The following MAP9 variants were observed in gnomAD, a reference collection of about 807,000 sequenced individuals.
MAP9 encodes the protein microtubule associated protein 9, also known as microtubule-associated protein 9.
Under a neutral mutation model 75.2 loss-of-function variants are expected in MAP9, and 80 were observed. The observed-to-expected ratio is 1.06, with a 90% CI of 0.89 to 1.28. MAP9 has a LOEUF of 1.28. Ranked by LOEUF, MAP9 falls within the 50% of genes most tolerant of loss-of-function variation. The pLI, the probability that MAP9 is intolerant of heterozygous loss-of-function variation, is 0.00. For synonymous variants in MAP9, 235 were observed against 237.3 expected (o/e 0.99, Z 0.09); for missense variants, 753 against 719.9 (o/e 1.05, Z -0.53).
intron 4 of MAP9, among the ~76,000 whole-genome samples, chr4:155,370,722 G>A (rs1297644469): frequency 1.3e-5 from 2 of 152,216 alleles, no homozygotes; most frequent in African/African-American, 2.4e-5. Context: ...AGACAGTACT[G>A]TTAACTATAG....
At chr4:155,355,593 C>A (rs111396517) in intron 9 of MAP9, 123 bp downstream of exon 9, 4 of 589,876 alleles carry the variant, frequency 6.8e-6, no homozygotes, top group African/African-American at 5.8e-5. Flanking sequence ...AAAGGAAACT[C>A]TTTCTCAATA....
At chr4:155,351,325 T>TG (rs1731499494) in intron 13 of MAP9, 1 of 151,712 alleles carries the variant, frequency 6.6e-6, no homozygotes, top group African/African-American at 2.4e-5. Context: ...TCAGGGCAAA[T>TG]TCCAAGCAGA....
chr4:155,350,199 A>C (rs1349707238), intron 13 of MAP9: 1 of 439,404 alleles, frequency 2.3e-6, no homozygotes, highest in East Asian at 7.1e-5. Flanking sequence ...TGAAAACTGA[A>C]GTCATTAGAC....
rs970029941 is a variant in MAP9, at chr4:155,343,173, C to T, written c.*4610G>A. The T allele has an allele frequency of 2.1e-5, 3 of 140,290 alleles. No individual in the cohort carries two copies. Among genetic ancestry groups the T allele is most frequent in the African/African-American group, 8.4e-5 (3 of 35,886 alleles). 8.7% of individuals were successfully genotyped at this position (140,290 alleles called of 1,614,324 possible). A position where few individuals can be genotyped will look rare whatever the true frequency, so the allele number is the denominator to read the frequency against. ...ATATGTGTATGTTTGAAAATATGCA[C>T]ATTAGTATTTGTATTTTATATATAT... On this transcript the variant is annotated 3_prime_UTR_variant, in exon 14 of 14. Transcript: ENST00000311277.
At chr4:155,354,711 T>A (rs193068260) in intron 10 of MAP9, among the ~76,000 whole-genome samples, 97 of 152,222 alleles carry the variant, frequency 6.4e-4, no homozygotes, top group African/African-American at 2.3e-3. Flanking sequence ...GAATCCCATC[T>A]GCCTTGGCCT....
At chr4:155,357,618 T>G (rs1389245153) in intron 7 of MAP9, 99 bp from the exon 8 acceptor site, 2 of 706,022 alleles carry the variant, frequency 2.8e-6, no homozygotes, top group East Asian at 5.4e-5. Flanking sequence ...TTTAAGCATC[T>G]ACTATGTGTC....
chr4:155,362,234 G>A (rs1486919414), intron 5 of MAP9, 93 bp from the exon 6 acceptor site: 6 of 780,242 alleles, frequency 7.7e-6, no homozygotes, highest in East Asian at 2.7e-5. Context: ...AATTGAAATA[G>A]TGCATAACTC....
At position 155,368,789 on chromosome 4, in the gene MAP9, C is replaced by G. The variant is rs758343315; in HGVS notation, c.505G>C (p.Asp169His). 1.1e-5 allele frequency: 18 copies of G among 1,612,358 alleles called. No homozygotes were observed. The highest frequency in any genetic ancestry group is 1.7e-4 in the Middle Eastern group (1 of 6,056). Residue 169 changes from aspartate (D) to histidine (H), a missense_variant, in exon 5 of 14, where the codon GAT becomes CAT. Physicochemically the swap from Asp to His is moderately conservative, Grantham distance 81. Transcript: ENST00000311277. ...CGAGGTGATGGTTTAAAGTGATCAT[C>G]TGTGTCAAGGCTGTTGTTTTCTGCT... Reference protein sequence around the residue: ...SSAENNSLDTDDHFKPSPRPR... With the variant: ...SSAENNSLDTHDHFKPSPRPR...
chr4:155,372,779 T>C (rs1455438541), intron 4 of MAP9, among the ~76,000 whole-genome samples: 1 of 152,160 alleles, frequency 6.6e-6, no homozygotes, highest in Non-Finnish European at 1.5e-5. Flanking sequence ...TTAGACAGCA[T>C]TCCATTCCAG....
intron 4 of MAP9, among the ~76,000 whole-genome samples, chr4:155,370,488 C>G (rs1381519690): frequency 6.6e-6 from 1 of 152,004 alleles, no homozygotes; most frequent in African/African-American, 2.4e-5. Context: ...ACACATACCA[C>G]AATCCCTCCA....
intron 13 of MAP9, among the ~76,000 whole-genome samples, chr4:155,348,989 A>AAAC (rs34688973): frequency 0.61 from 92,748 of 151,730 alleles, 29,072 homozygotes; most frequent in East Asian, 0.79. Flanking sequence ...GGACAGAAAC[A>AAAC]AAGAAAATAA....
chr4:155,374,060 G>A (rs1172058080), intron 3 of MAP9, among the ~76,000 whole-genome samples: 1 of 152,110 alleles, frequency 6.6e-6, no homozygotes, highest in Non-Finnish European at 1.5e-5. Context: ...AAAACACCAG[G>A]CCGGGTGCGG....
At chr4:155,355,597 C>A in intron 9 of MAP9, 119 bp downstream of exon 9, 1 of 732,088 alleles carries the variant, frequency 1.4e-6, no homozygotes, top group South Asian at 3.8e-5. Context: ...GAAACTCTTT[C>A]TCAATAAATT....
rs918391689 is a variant in MAP9, at chr4:155,344,952, G to A, written c.*2831C>T. 11 of 151,654 alleles carry A rather than the reference G, an allele frequency of 7.3e-5. No individual in the cohort carries two copies. Among genetic ancestry groups the A allele is most frequent in the Admixed American group, 2.6e-4 (4 of 15,192 alleles). The allele number at this position is 151,654 out of a possible 1,614,324, so 9.4% of individuals were successfully genotyped here. A position where few individuals can be genotyped will look rare whatever the true frequency, so the allele number is the denominator to read the frequency against. ...AGTGATCAACGCAATTTATAAAACC[G>A]GAACTTTTATATGAAAGTCTATATA... On this transcript the variant is annotated 3_prime_UTR_variant, in exon 14 of 14. Transcript: ENST00000311277.
Position 155,373,300 on chromosome 4 carries a change from G to C in MAP9, c.317C>G (p.Pro106Arg). Residue 106 changes from proline (P) to arginine (R), a missense_variant, in exon 4 of 14, where the codon CCA becomes CGA. Physicochemically the swap from Pro to Arg is moderately radical, Grantham distance 103 (BLOSUM62 -2). Coordinates refer to ENST00000311277, the MANE Select transcript of MAP9 (RefSeq NM_001039580.2). ...CTCTTCATTTTTGATGGCACACACT[G>C]GCTCATCTTTGGTTATGTTACCGTT... Reference protein sequence around the residue: ...KSNGNITKDEPVCAIKNEEEM... With the variant: ...KSNGNITKDERVCAIKNEEEM... 6.2e-7 allele frequency: 1 copy of C among 1,613,738 alleles called. No homozygotes were observed. The highest frequency in any genetic ancestry group is 1.3e-5 in the African/African-American group (1 of 74,994).
At chr4:155,365,941 T>C (rs913129472) in intron 5 of MAP9, among the ~76,000 whole-genome samples, 17 of 151,780 alleles carry the variant, frequency 1.1e-4, no homozygotes, top group African/African-American at 4.1e-4. Context: ...CATCAAAAAA[T>C]CGGGGCCACT....
chr4:155,350,131 C>G (rs144752328), intron 13 of MAP9: 47 of 322,312 alleles, frequency 1.5e-4, no homozygotes, highest in African/African-American at 9.6e-4. Flanking sequence ...CAATTACCCA[C>G]CAAATGCTTA....
At chr4:155,374,288 G>A (rs1328462747) in intron 3 of MAP9, among the ~76,000 whole-genome samples, 1 of 152,220 alleles carries the variant, frequency 6.6e-6, no homozygotes, top group East Asian at 1.9e-4. Context: ...GCAGTGAGCC[G>A]AGATTGCACC....
At chr4:155,351,103 C>A (rs1166391310) in intron 13 of MAP9, 1 of 151,750 alleles carries the variant, frequency 6.6e-6, no homozygotes. Flanking sequence ...TGAATCCAAG[C>A]AGATATTTAG....
Sources: gnomAD v4.1 joint callset for allele counts (sites outside exome capture counted in the v4.1 genomes callset) on GRCh38, gnomAD v4.1.1 for gene constraint, MANE v1.5 for transcripts, NCBI Gene and HGNC (gene_info 2026-07-23, HGNC 2026-07-21) for gene names.